The following MARCHF1 variants were observed in gnomAD, a reference collection of about 807,000 sequenced individuals.
MARCHF1 encodes the protein E3 ubiquitin-protein ligase MARCHF1.
A neutral mutation model predicts 54.2 loss-of-function variants in MARCHF1; 40 were observed. The ratio of observed to expected loss-of-function variants is 0.74; its 90% CI spans 0.57 to 0.96. The LOEUF (loss-of-function observed/expected upper bound fraction) is 0.96, where lower values mean the gene tolerates loss of function less well. MARCHF1 is among the 40% of genes least tolerant of loss of function. MARCHF1 has a pLI of 0.00. For missense variants in MARCHF1, 586 were observed against 656.5 expected, an observed-to-expected ratio of 0.89 and a Z score of 1.17; for synonymous variants, 236 against 236.3, an observed-to-expected ratio of 1.00 and a Z score of 0.01.
chr4:163,920,695 C>G (rs186951773), intron 3 of MARCHF1, among the ~76,000 whole-genome samples: 9 of 152,186 alleles, frequency 5.9e-5, no homozygotes, highest in Admixed American at 2.0e-4. Flanking sequence ...GATGGACTGA[C>G]AGAGACAGAT....
At chr4:164,130,684 G>A (rs1274256184) in intron 1 of MARCHF1, among the ~76,000 whole-genome samples, 2 of 152,084 alleles carry the variant, frequency 1.3e-5, no homozygotes, top group African/African-American at 4.8e-5. Context: ...GAAAATTGGG[G>A]CTTACAGAAA....
At chr4:164,365,446 A>T (rs56243916) in intron 1 of MARCHF1, among the ~76,000 whole-genome samples, 78,103 of 151,848 alleles carry the variant, frequency 0.51, 20,998 homozygotes, top group East Asian at 0.65. Context: ...AAGGTAACAG[A>T]AAATAAACAT....
chr4:163,584,928 A>G (rs771353072), intron 8 of MARCHF1: 14 of 152,230 alleles, frequency 9.2e-5, no homozygotes, highest in Non-Finnish European at 1.3e-4. Flanking sequence ...CATATATGTA[A>G]GGCTACAGTT....
chr4:164,011,153 A>C (rs1753411712), intron 2 of MARCHF1, among the ~76,000 whole-genome samples: 1 of 152,168 alleles, frequency 6.6e-6, no homozygotes, highest in Non-Finnish European at 1.5e-5. Context: ...ACCTGAAACT[A>C]TGAAGCTACT....
At chr4:163,839,908 T>G (rs1336743746) in intron 4 of MARCHF1, among the ~76,000 whole-genome samples, 1 of 152,032 alleles carries the variant, frequency 6.6e-6, no homozygotes, top group Non-Finnish European at 1.5e-5. Context: ...AAAAAAAATG[T>G]ACAATAGAGA....
rs187866117 is a variant in MARCHF1 at position 164,155,652 on chromosome 4, G to T, written c.-322-43990C>A. ...TAATGTATACATTGACATAGAGGAT[G>T]GAATAATAGATGTGGAGACTTGGTG... On this transcript the variant is annotated intron_variant, in intron 1 of 9. Transcript: ENST00000514618. Among the ~76,000 whole-genome samples, 3 of 152,118 alleles carry T rather than the reference G, an allele frequency of 2.0e-5. No individual in the cohort carries two copies. In the East Asian group the frequency reaches 5.8e-4, roughly 29 times the overall value.
chr4:164,292,375 T>C (rs1250358682), intron 1 of MARCHF1, among the ~76,000 whole-genome samples: 2 of 152,146 alleles, frequency 1.3e-5, no homozygotes, highest in African/African-American at 2.4e-5. Context: ...ACCAAGCAAA[T>C]TGGTGAAGCA....
At chr4:163,864,281 C>A (rs868520621) in intron 3 of MARCHF1, among the ~76,000 whole-genome samples, 1 of 151,682 alleles carries the variant, frequency 6.6e-6, no homozygotes, top group Non-Finnish European at 1.5e-5. Context: ...TTTACCTGAA[C>A]GATTTCCCTC....
Position 163,854,189 on chromosome 4 carries a change from C to T in MARCHF1, c.-38-20G>A. The T allele has an allele frequency of 6.8e-7, 1 of 1,469,568 alleles. No individual in the cohort carries two copies. Among genetic ancestry groups the T allele is most frequent in the Non-Finnish European group, 9.0e-7 (1 of 1,107,186 alleles). 91.0% of individuals were successfully genotyped at this position (1,469,568 alleles called of 1,614,324 possible). A position where few individuals can be genotyped will look rare whatever the true frequency, so the allele number is the denominator to read the frequency against. ...GAAATTCTGAAAATAATTTACATTC[C>T]CTGAAACAGGTCACTTATTTTAGCT... On this transcript the variant is annotated intron_variant, in intron 3 of 9. Coordinates refer to ENST00000514618, the MANE Select transcript of MARCHF1 (RefSeq NM_001394959.1).
chr4:163,992,661 C>A (rs915907646), intron 2 of MARCHF1, among the ~76,000 whole-genome samples: 1 of 150,860 alleles, frequency 6.6e-6, no homozygotes, highest in African/African-American at 2.4e-5. Context: ...TTAGGATCAC[C>A]ACTTGAAAGG....
chr4:164,099,603 A>G (rs945063069), intron 2 of MARCHF1, among the ~76,000 whole-genome samples: 1 of 152,202 alleles, frequency 6.6e-6, no homozygotes, highest in Non-Finnish European at 1.5e-5. Context: ...TTTCAATATC[A>G]AATTCAAAGC....
At chr4:163,770,385 T>C (rs563628488) in intron 4 of MARCHF1, among the ~76,000 whole-genome samples, 41 of 152,288 alleles carry the variant, frequency 2.7e-4, no homozygotes, top group Middle Eastern at 3.4e-3. Flanking sequence ...TAATTGAAGA[T>C]ACCCACAGAT....
chr4:164,034,878 T>C (rs1190801968), intron 2 of MARCHF1, among the ~76,000 whole-genome samples: 2 of 152,282 alleles, frequency 1.3e-5, no homozygotes, highest in African/African-American at 4.8e-5. Context: ...GACAAAAGTT[T>C]TATTTTTATG....
At chr4:164,153,703 A>G (rs189780080) in intron 1 of MARCHF1, among the ~76,000 whole-genome samples, 426 of 152,282 alleles carry the variant, frequency 2.8e-3, no homozygotes, top group Non-Finnish European at 4.1e-3. Context: ...AAAAATTGAA[A>G]AGAAAAATTC....
At chr4:163,903,894 G>A (rs766428268) in intron 3 of MARCHF1, among the ~76,000 whole-genome samples, 2 of 152,092 alleles carry the variant, frequency 1.3e-5, no homozygotes, top group Non-Finnish European at 2.9e-5. Flanking sequence ...AGTATTACAG[G>A]CATGAGCCAC....
At chr4:163,771,312 A>G (rs74379745) in intron 4 of MARCHF1, among the ~76,000 whole-genome samples, 8 of 152,172 alleles carry the variant, frequency 5.3e-5, no homozygotes, top group African/African-American at 1.7e-4. Context: ...CAAAATGTCA[A>G]TAGTGCTGAG....
chr4:163,748,621 A>G (rs1183492238), intron 4 of MARCHF1, among the ~76,000 whole-genome samples: 3 of 152,172 alleles, frequency 2.0e-5, no homozygotes, highest in Non-Finnish European at 4.4e-5. Context: ...TATGTATGGA[A>G]AGAACAGAGA....
chr4:163,834,426 TG>T (rs1178538762), intron 4 of MARCHF1, among the ~76,000 whole-genome samples: 1 of 152,214 alleles, frequency 6.6e-6, no homozygotes. Context: ...AAAATAAAGC[TG>T]TTTTTCACAT....
intron 4 of MARCHF1, among the ~76,000 whole-genome samples, chr4:163,724,326 G>A (rs549495521): frequency 8.3e-4 from 127 of 152,322 alleles, no homozygotes; most frequent in African/African-American, 2.6e-3. Context: ...GCAGAACAGC[G>A]AATATTGCTG....
Sources: allele counts gnomAD v4.1 joint callset (sites outside exome capture counted in the v4.1 genomes callset), GRCh38; gene constraint gnomAD v4.1.1; transcripts MANE v1.5; gene names NCBI Gene and HGNC (gene_info 2026-07-23, HGNC 2026-07-21).